The following MALT1 variants were observed in gnomAD, a reference collection of about 807,000 sequenced individuals.
MALT1 encodes mucosa-associated lymphoid tissue lymphoma translocation protein 1.
Under a neutral mutation model 85.5 loss-of-function variants are expected in MALT1, and 36 were observed. The ratio of observed to expected loss-of-function variants is 0.42; its 90% CI spans 0.32 to 0.56. The LOEUF is 0.56. Among genes scored for constraint, MALT1 ranks in the 20% least tolerant of loss-of-function variants. The probability of loss-of-function intolerance (pLI) is 0.10; values close to 1 mark genes in which losing one functional copy is unlikely to be tolerated. For synonymous variants in MALT1, 359 were observed against 361.3 expected (o/e 0.99, Z 0.07); for missense variants, 716 against 981.6 (o/e 0.73, Z 3.62).
rs72957649 is a variant in MALT1, at chr18:58,736,324, G to C, written c.1603+995G>C. On this transcript the variant is annotated intron_variant, in intron 13 of 16. Transcript: ENST00000649217. ...GCCACTTTTCCATTTAACATAACCA[G>C]CCAGGGCTTTGGACTTCCTGCCACC... Among the ~76,000 whole-genome samples the C allele has an allele frequency of 6.2e-3, 941 of 151,830 alleles. 5 individuals are homozygous for C. Among genetic ancestry groups the C allele is most frequent in the Non-Finnish European group, 0.011 (733 of 67,956 alleles).
intron 1 of MALT1, among the ~76,000 whole-genome samples, chr18:58,673,349 A>G (rs1013792992): frequency 2.0e-5 from 3 of 152,234 alleles, no homozygotes; most frequent in Non-Finnish European, 2.9e-5. Context: ...ATGAATGATA[A>G]TGGATTTTTA....
At chr18:58,677,198 AAG>A (rs2054253484) in intron 1 of MALT1, among the ~76,000 whole-genome samples, 3 of 152,182 alleles carry the variant, frequency 2.0e-5, no homozygotes, top group Admixed American at 6.5e-5. Flanking sequence ...TAAAAACAAA[AAG>A]AGATACAGAG....
chr18:58,701,539 G>A (rs576744147), intron 4 of MALT1, among the ~76,000 whole-genome samples: 34 of 152,112 alleles, frequency 2.2e-4, no homozygotes, highest in African/African-American at 7.7e-4. Context: ...TCTCTTTCTA[G>A]TTCTTAGAAC....
At chr18:58,682,134 A>ACT (rs2054331447) in intron 2 of MALT1, among the ~76,000 whole-genome samples, 1 of 152,066 alleles carries the variant, frequency 6.6e-6, no homozygotes, top group Non-Finnish European at 1.5e-5. Flanking sequence ...GACCTGATGC[A>ACT]CTCTATTTTA....
Position 58,690,983 on chromosome 18 carries a change from A to G in MALT1, c.377-5383A>G, listed in dbSNP as rs967507317. On this transcript the variant is annotated intron_variant, in intron 2 of 16. Transcript: ENST00000649217. ...AAAGTTGTGTAAGTCTCAGATTCTC[A>G]GGCATCCTTCTCTGGCCAGGCAGAT... 15 of 285,546 alleles carry G rather than the reference A, an allele frequency of 5.3e-5. No homozygotes were observed. The Admixed American group carries it at 5.3e-4, about 10-fold the overall frequency. The allele number at this position is 285,546 out of a possible 1,614,324, so 17.7% of individuals were successfully genotyped here. A position where few individuals can be genotyped will look rare whatever the true frequency, so the allele number is the denominator to read the frequency against.
chr18:58,727,004 G>A (rs1331764797), intron 10 of MALT1, among the ~76,000 whole-genome samples: 1 of 152,206 alleles, frequency 6.6e-6, no homozygotes, highest in Non-Finnish European at 1.5e-5. Flanking sequence ...ACTTTTCTAA[G>A]CCAAAAGGAA....
chr18:58,749,963 C>T lies in MALT1; in HGVS notation c.*2121C>T, dbSNP rs146083064. 694 of 207,560 alleles carry T rather than the reference C, an allele frequency of 3.3e-3. 3 individuals carry two copies. Among genetic ancestry groups the T allele is most frequent in the Non-Finnish European group, 4.6e-3 (469 of 101,852 alleles). The allele number at this position is 207,560 out of a possible 1,614,324, so 12.9% of individuals were successfully genotyped here. On this transcript the variant is annotated 3_prime_UTR_variant, in exon 17 of 17. Coordinates refer to ENST00000649217, the MANE Select transcript of MALT1 (RefSeq NM_006785.4). ...AGCATTGTACTTGAAGTTCTAGCCACAGCAGTTAGGTTAGGAATTCAAGGT... is the reference window on the plus strand; with the variant it reads ...AGCATTGTACTTGAAGTTCTAGCCATAGCAGTTAGGTTAGGAATTCAAGGT...
chr18:58,689,273 A>AC (rs397802253), intron 2 of MALT1, among the ~76,000 whole-genome samples: 2 of 151,492 alleles, frequency 1.3e-5, no homozygotes, highest in African/African-American at 4.9e-5. Flanking sequence ...AAAAAAAAAA[A>AC]GTCTCAGAGA....
chr18:58,746,493 A>G (rs2055368909), intron 16 of MALT1, among the ~76,000 whole-genome samples: 1 of 152,200 alleles, frequency 6.6e-6, no homozygotes, highest in East Asian at 1.9e-4. Context: ...TTTGTTCACA[A>G]CTACATGACC....
rs760010868 is a variant in MALT1, at chr18:58,723,033, C to CT, written c.1019-6dup. On this transcript the variant is annotated splice_polypyrimidine_tract_variant and intron_variant, in intron 9 of 16. Transcript: ENST00000649217. Reference sequence around the variant, plus strand: ...TATATCTTCTTTAAACACCCCCTTTCTTTTTTTTTCAAAGCGAAGGACAAG... The same window carrying CT: ...TATATCTTCTTTAAACACCCCCTTTCTTTTTTTTTTCAAAGCGAAGGACAAG... 739 of 1,566,194 alleles carry CT rather than the reference C, an allele frequency of 4.7e-4. No individual in the cohort carries two copies. The highest frequency in any genetic ancestry group is 6.7e-4 in the South Asian group (59 of 88,478).
rs542342303 is a variant in MALT1, at chr18:58,754,352, T to C, written c.*6510T>C. The C allele has an allele frequency of 9.8e-5, 15 of 152,358 alleles. 1 individual carries two copies. Among genetic ancestry groups the C allele is most frequent in the Non-Finnish European group, 1.6e-4 (11 of 68,036 alleles). 9.4% of individuals were successfully genotyped at this position (152,358 alleles called of 1,614,324 possible). A position where few individuals can be genotyped will look rare whatever the true frequency, so the allele number is the denominator to read the frequency against. ...TCTCTAAATATACTTTTAGGTCACA[T>C]TGAAAACATTTCCAAAGGATTTGAC... is the stretch of plus-strand genomic sequence containing the variant. On this transcript the variant is annotated 3_prime_UTR_variant, in exon 17 of 17. Coordinates refer to ENST00000649217, the MANE Select transcript of MALT1 (RefSeq NM_006785.4).
At position 58,750,892 on chromosome 18, in the gene MALT1, C is replaced by T. The variant is rs1473394861; in HGVS notation, c.*3050C>T. The T allele has an allele frequency of 5.3e-5, 8 of 152,162 alleles. No homozygotes were observed. The highest frequency in any genetic ancestry group is 7.4e-5 in the Non-Finnish European group (5 of 68,022). 9.4% of individuals were successfully genotyped at this position (152,162 alleles called of 1,614,324 possible). On this transcript the variant is annotated 3_prime_UTR_variant, in exon 17 of 17. Coordinates refer to ENST00000649217, the MANE Select transcript of MALT1 (RefSeq NM_006785.4). Reference sequence around the variant, plus strand: ...ATAAATGGGACTTCATCAAAATTAACTTTAGCGCCTTAAAGGACACCATTA... The same window carrying T: ...ATAAATGGGACTTCATCAAAATTAATTTTAGCGCCTTAAAGGACACCATTA...
At chr18:58,742,713 GAAAAGA>G (rs1475861159) in intron 14 of MALT1, among the ~76,000 whole-genome samples, 3 of 152,006 alleles carry the variant, frequency 2.0e-5, no homozygotes, top group African/African-American at 7.2e-5. Context: ...ACTCTGTCTC[GAAAAGA>G]AAAAGAAATA....
intron 2 of MALT1, among the ~76,000 whole-genome samples, chr18:58,683,651 A>G (rs2054355554): frequency 6.6e-6 from 1 of 152,274 alleles, no homozygotes; most frequent in African/African-American, 2.4e-5. Context: ...AGCAACTAAT[A>G]AAGTGCCACC....
intron 1 of MALT1, among the ~76,000 whole-genome samples, chr18:58,674,647 A>C (rs2054214475): frequency 1.3e-5 from 2 of 152,178 alleles, no homozygotes; most frequent in African/African-American, 4.8e-5. Flanking sequence ...AAGACAAAAA[A>C]GTTATTGTAA....
At chr18:58,736,741 A>C (rs903719130) in intron 13 of MALT1, among the ~76,000 whole-genome samples, 2 of 152,202 alleles carry the variant, frequency 1.3e-5, no homozygotes, top group African/African-American at 4.8e-5. Flanking sequence ...TGTCTGCTTA[A>C]CCAGAATTGC....
intron 9 of MALT1, among the ~76,000 whole-genome samples, chr18:58,717,411 A>G (rs1490213388): frequency 1.3e-5 from 2 of 152,096 alleles, no homozygotes; most frequent in Non-Finnish European, 2.9e-5. Context: ...AAGGCTGAAT[A>G]TAGATCTTAT....
At chr18:58,711,063 T>C (rs1308794903) in intron 7 of MALT1, 110 bp downstream of exon 7, 1 of 594,066 alleles carries the variant, frequency 1.7e-6, no homozygotes, top group Non-Finnish European at 2.9e-6. Context: ...ATACTAGCTG[T>C]AAGAAATGAT....
chr18:58,716,074 TG>T (rs1357027550), intron 9 of MALT1, 107 bp downstream of exon 9: 2 of 763,286 alleles, frequency 2.6e-6, no homozygotes, highest in Non-Finnish European at 4.3e-6. Flanking sequence ...TGAATAACAT[TG>T]GGACCAAATG....
Sources: allele counts gnomAD v4.1 joint callset (sites outside exome capture counted in the v4.1 genomes callset), GRCh38; gene constraint gnomAD v4.1.1; transcripts MANE v1.5; gene names NCBI Gene and HGNC (gene_info 2026-07-23, HGNC 2026-07-21).